VSX2: variants seen among roughly 807,000 people sequenced by gnomAD.
The protein encoded by VSX2 is visual system homeobox 2, also known as ceh-10 homeo domain containing homolog.
A neutral mutation model predicts 32.1 loss-of-function variants in VSX2; 28 were observed. That is an observed-to-expected ratio of 0.87 (90% CI 0.65 to 1.20). VSX2 has a LOEUF of 1.20. VSX2 is among the 50% of genes most tolerant of loss of function. The probability of loss-of-function intolerance (pLI) is 0.00; values close to 1 mark genes in which losing one functional copy is unlikely to be tolerated. For missense variants in VSX2, 506 were observed against 488.7 expected (o/e 1.04, Z -0.33); for synonymous variants, 243 against 214.1 (o/e 1.14, Z -1.18).
At chr14:74,249,625 C>T (rs1487945860) in intron 3 of VSX2, among the ~76,000 whole-genome samples, 1 of 152,080 alleles carries the variant, frequency 6.6e-6, no homozygotes, top group East Asian at 1.9e-4. Context: ...ATTCCTACAC[C>T]CATTTTCTAG....
At chr14:74,241,364 C>T (rs1023642017) in intron 2 of VSX2, 98 bp downstream of exon 2, 3 of 1,341,910 alleles carry the variant, frequency 2.2e-6, no homozygotes, top group Admixed American at 3.6e-5. Flanking sequence ...TCGCCGACAA[C>T]GGATCTGAGG....
intron 3 of VSX2, among the ~76,000 whole-genome samples, chr14:74,257,621 C>T (rs1398782565): frequency 2.6e-5 from 4 of 151,996 alleles, no homozygotes; most frequent in South Asian, 2.1e-4. Flanking sequence ...GGGGATTGGC[C>T]GGCCGCGCTC....
intron 3 of VSX2, among the ~76,000 whole-genome samples, chr14:74,256,967 C>T (rs1358911754): frequency 1.3e-5 from 2 of 151,792 alleles, no homozygotes; most frequent in East Asian, 3.9e-4. Context: ...AGCCACTGCG[C>T]CAGGCCGGGA....
chr14:74,249,950 T>G (rs2079218539), intron 3 of VSX2, among the ~76,000 whole-genome samples: 1 of 152,040 alleles, frequency 6.6e-6, no homozygotes, highest in African/African-American at 2.4e-5. Flanking sequence ...TCTTTGTGTC[T>G]TAAATAAATA....
intron 2 of VSX2, among the ~76,000 whole-genome samples, chr14:74,244,910 GTGTGTGTGTGTGTGTGTGTGAA>G (rs2079175959): frequency 2.5e-5 from 3 of 121,694 alleles, no homozygotes; most frequent in Admixed American, 8.4e-5. Flanking sequence ...GTGTGTGTGT[GTGTGTGTGTGTGTGTGTGTGAA>G]AGAGAGAGAG....
rs2079316500 is a variant in VSX2, at chr14:74,262,618, G to A, written c.*1699G>A. On this transcript the variant is annotated 3_prime_UTR_variant, in exon 5 of 5. Coordinates refer to ENST00000261980, the MANE Select transcript of VSX2 (RefSeq NM_182894.3). Reference sequence around the variant, plus strand: ...ATAATGTACATAGAGTGAGAAGAAAGAAACTTGATATTGAGGTGTTTGAAA... The same window carrying A: ...ATAATGTACATAGAGTGAGAAGAAAAAAACTTGATATTGAGGTGTTTGAAA... 1 of 152,230 alleles carries A rather than the reference G, an allele frequency of 6.6e-6. No homozygotes were observed. The highest frequency in any genetic ancestry group is 1.5e-5 in the Non-Finnish European group (1 of 68,044). 9.4% of individuals were successfully genotyped at this position (152,230 alleles called of 1,614,324 possible).
At position 74,248,586 on chromosome 14, in the gene VSX2, G is replaced by A. The variant is rs2079209805; in HGVS notation, c.579+3298G>A. On this transcript the variant is annotated intron_variant, in intron 3 of 4. Transcript: ENST00000261980. ...TAAGCCTGTGGTCCCAGCTACTCAA[G>A]AAGCTGAGATGGGAGGACCACTTGA... Among the ~76,000 whole-genome samples, 2 of 151,970 alleles carry A rather than the reference G, an allele frequency of 1.3e-5. 1 individual carries two copies. Among genetic ancestry groups the A allele is most frequent in the South Asian group, 4.2e-4 (2 of 4,816 alleles).
intron 3 of VSX2, 86 bp downstream of exon 3, chr14:74,245,374 G>C: frequency 6.4e-7 from 1 of 1,565,530 alleles, no homozygotes. Context: ...CCATGACCCC[G>C]CCTCCCAGCC....
intron 3 of VSX2, among the ~76,000 whole-genome samples, chr14:74,246,185 G>C (rs1464997222): frequency 6.6e-6 from 1 of 152,258 alleles, no homozygotes; most frequent in Non-Finnish European, 1.5e-5. Flanking sequence ...AATGAAAGCT[G>C]CTCCCATCGC....
At chr14:74,255,099 T>TG (rs2079255308) in intron 3 of VSX2, among the ~76,000 whole-genome samples, 1 of 152,068 alleles carries the variant, frequency 6.6e-6, no homozygotes. Context: ...GATATTCTTA[T>TG]CTTTCATTTG....
chr14:74,243,465 G>A (rs529593255), intron 2 of VSX2, among the ~76,000 whole-genome samples: 20 of 152,112 alleles, frequency 1.3e-4, no homozygotes, highest in African/African-American at 2.4e-5. Flanking sequence ...TTTTGAAGAG[G>A]GGCTCTCCGA....
At chr14:74,244,190 G>C (rs2079168961) in intron 2 of VSX2, among the ~76,000 whole-genome samples, 1 of 152,214 alleles carries the variant, frequency 6.6e-6, no homozygotes, top group African/African-American at 2.4e-5. Context: ...CCTAAGGTGA[G>C]AGAATGTAGT....
chr14:74,254,469 C>T (rs906769761), intron 3 of VSX2, among the ~76,000 whole-genome samples: 2 of 152,128 alleles, frequency 1.3e-5, no homozygotes, highest in African/African-American at 4.8e-5. Context: ...GTTTCAGGAA[C>T]ACCTGTTTAG....
At chr14:74,246,645 T>C (rs1364031041) in intron 3 of VSX2, among the ~76,000 whole-genome samples, 1 of 152,246 alleles carries the variant, frequency 6.6e-6, no homozygotes, top group Non-Finnish European at 1.5e-5. Flanking sequence ...AGCCTTAAAC[T>C]GCACGGCAGT....
chr14:74,260,430 A>C (rs936095738), intron 4 of VSX2, among the ~76,000 whole-genome samples, 164 bp from the exon 5 acceptor site: 4 of 152,168 alleles, frequency 2.6e-5, no homozygotes, highest in Admixed American at 2.6e-4. Flanking sequence ...CCATCTCCCC[A>C]TTCCCTGACC....
chr14:74,247,408 G>C (rs926697903), intron 3 of VSX2, among the ~76,000 whole-genome samples: 3 of 152,306 alleles, frequency 2.0e-5, no homozygotes, highest in Non-Finnish European at 4.4e-5. Context: ...TGTACAATGG[G>C]GGTGACAGTG....
rs1414724337 is a variant in VSX2 at position 74,239,721 on chromosome 14, G to A, written c.160G>A (p.Asp54Asn). 3 of 1,549,324 alleles carry A rather than the reference G, an allele frequency of 1.9e-6. No homozygotes were observed. The highest frequency in any genetic ancestry group is 1.2e-5 in the South Asian group (1 of 84,026). The change falls in exon 1 of 5, where the codon GAC becomes AAC. Residue 54 changes from aspartate (D) to asparagine (N), a missense_variant. Physicochemically the swap from Asp to Asn is conservative, Grantham distance 23 (BLOSUM62 1). Transcript: ENST00000261980. Reference sequence around the variant, plus strand: ...GAGCTCCCACCCGCGGGCAGCGCTCGACGGCCTGGCCCCCGGGCACTTGCT... The same window carrying A: ...GAGCTCCCACCCGCGGGCAGCGCTCAACGGCCTGGCCCCCGGGCACTTGCT... ...PPSSHPRAALDGLAPGHLLAA... is the reference protein window; with the variant it reads ...PPSSHPRAALNGLAPGHLLAA...
chr14:74,240,552 C>T (rs1214614959), intron 1 of VSX2, among the ~76,000 whole-genome samples: 1 of 152,196 alleles, frequency 6.6e-6, no homozygotes, highest in East Asian at 1.9e-4. Flanking sequence ...TCCGCCTTCT[C>T]CCCGCGCTGC....
At position 74,245,204 on chromosome 14, in the gene VSX2, G is replaced by A. The variant is rs1482053737; in HGVS notation, c.495G>A (p.Lys165=). 4 of 1,613,782 alleles carry A rather than the reference G, an allele frequency of 2.5e-6. No homozygotes were observed. Among genetic ancestry groups the A allele is most frequent in the Non-Finnish European group, 3.4e-6 (4 of 1,179,942 alleles). The change falls in exon 3 of 5, where the codon AAG becomes AAA. Residue 165 remains lysine, a synonymous_variant. Coordinates refer to ENST00000261980, the MANE Select transcript of VSX2 (RefSeq NM_182894.3). The part of the protein sequence containing the change: ...FTSYQLEELE[K]AFNEAHYPDV... ...CCTACCAGCTAGAGGAGCTGGAGAAGGCATTCAACGAAGCCCACTACCCAG... is the reference window on the plus strand; with the variant it reads ...CCTACCAGCTAGAGGAGCTGGAGAAAGCATTCAACGAAGCCCACTACCCAG...
Sources: gnomAD v4.1 joint callset for allele counts (sites outside exome capture counted in the v4.1 genomes callset) on GRCh38, gnomAD v4.1.1 for gene constraint, MANE v1.5 for transcripts, NCBI Gene and HGNC (gene_info 2026-07-23, HGNC 2026-07-21) for gene names.